Variants in BACH2 observed in about 807,000 individuals in gnomAD.
BACH2 encodes the protein transcription regulator protein BACH2.
A neutral mutation model predicts 61.8 loss-of-function variants in BACH2; 5 were observed. The ratio of observed to expected loss-of-function variants is 0.08; its 90% CI spans 0.04 to 0.17. The LOEUF (loss-of-function observed/expected upper bound fraction) is 0.17. BACH2 is among the 10% of genes least tolerant of loss of function. The pLI is 1.00. For synonymous variants in BACH2, 446 were observed against 440.1 expected, an observed-to-expected ratio of 1.01 and a Z score of -0.17; for missense variants, 824 against 1,091.1, an observed-to-expected ratio of 0.76 and a Z score of 3.45.
At chr6:90,225,604 G>A (rs761574378) in intron 3 of BACH2, among the ~76,000 whole-genome samples, 3 of 152,062 alleles carry the variant, frequency 2.0e-5, no homozygotes, top group Admixed American at 6.5e-5. Flanking sequence ...ACGCATACTG[G>A]AGCCTGTTAG....
chr6:90,135,309 T>A (rs1384571441), intron 4 of BACH2, among the ~76,000 whole-genome samples: 1 of 152,202 alleles, frequency 6.6e-6, no homozygotes, highest in African/African-American at 2.4e-5. Context: ...GCTCACATTT[T>A]GAGAATCTGC....
At chr6:90,157,461 A>T (rs1349964398) in intron 4 of BACH2, among the ~76,000 whole-genome samples, 1 of 152,200 alleles carries the variant, frequency 6.6e-6, no homozygotes, top group Non-Finnish European at 1.5e-5. Flanking sequence ...ACAGTAAGTA[A>T]ATTTATTATT....
rs1294770209 is a variant in BACH2 at position 90,034,522 on chromosome 6, G to T, written c.-12-25666C>A. On this transcript the variant is annotated intron_variant, in intron 5 of 8. Coordinates refer to ENST00000257749, the MANE Select transcript of BACH2 (RefSeq NM_021813.4). ...ATCATAAAACATTAGCACAAAAATA[G>T]GAATAATGAAATTTAATTATACATT... 2.0e-5 allele frequency among the ~76,000 whole-genome samples: 3 copies of T among 151,804 alleles called. No individual in the cohort carries two copies. The East Asian group carries it at 6.0e-4, about 30-fold the overall frequency.
intron 4 of BACH2, among the ~76,000 whole-genome samples, chr6:90,113,739 ATTTT>A (rs200287552): frequency 1.3e-5 from 2 of 150,836 alleles, no homozygotes; most frequent in African/African-American, 2.4e-5. Context: ...TGAATCCAGG[ATTTT>A]TTTTTTAAAT....
At chr6:90,131,621 TGA>T (rs1784083932) in intron 4 of BACH2, among the ~76,000 whole-genome samples, 1 of 152,214 alleles carries the variant, frequency 6.6e-6, no homozygotes, top group African/African-American at 2.4e-5. Context: ...TTTCTACACA[TGA>T]GCTCACCCTT....
chr6:90,066,846 G>C (rs576376072), intron 5 of BACH2, among the ~76,000 whole-genome samples: 1 of 152,340 alleles, frequency 6.6e-6, no homozygotes, highest in Admixed American at 6.5e-5. Context: ...CAGGGCACAA[G>C]GTTTGCAGTG....
chr6:90,007,243 A>G (rs1777458119), intron 6 of BACH2, among the ~76,000 whole-genome samples: 1 of 151,420 alleles, frequency 6.6e-6, no homozygotes, highest in African/African-American at 2.4e-5. Flanking sequence ...CCTGGCTAAT[A>G]TTTTGTATTT....
At chr6:90,137,826 C>A (rs940968036) in intron 4 of BACH2, among the ~76,000 whole-genome samples, 7 of 152,148 alleles carry the variant, frequency 4.6e-5, no homozygotes, top group African/African-American at 1.7e-4. Flanking sequence ...GATGCCCAGA[C>A]TTCTAATAAG....
chr6:90,191,367 C>T (rs540665375), intron 4 of BACH2, among the ~76,000 whole-genome samples: 1 of 152,338 alleles, frequency 6.6e-6, no homozygotes, highest in Admixed American at 6.5e-5. Context: ...TAGAGACTTG[C>T]TTTAATGATT....
At chr6:90,083,642 A>G (rs572859107) in intron 5 of BACH2, among the ~76,000 whole-genome samples, 1 of 152,290 alleles carries the variant, frequency 6.6e-6, no homozygotes, top group African/African-American at 2.4e-5. Flanking sequence ...TAATATCACA[A>G]CTTTTAGAGT....
At chr6:90,013,486 T>G (rs1246450272) in intron 5 of BACH2, among the ~76,000 whole-genome samples, 1 of 146,534 alleles carries the variant, frequency 6.8e-6, no homozygotes, top group Non-Finnish European at 1.5e-5. Context: ...CCCCTCCCCT[T>G]GTTTTCCCTT....
At chr6:90,076,591 A>G (rs1311732262) in intron 5 of BACH2, among the ~76,000 whole-genome samples, 1 of 152,186 alleles carries the variant, frequency 6.6e-6, no homozygotes, top group Non-Finnish European at 1.5e-5. Flanking sequence ...TGGTGCCAAC[A>G]GCCCCCTTTC....
At chr6:89,988,496 G>A (rs941178973) in intron 6 of BACH2, among the ~76,000 whole-genome samples, 1 of 152,188 alleles carries the variant, frequency 6.6e-6, no homozygotes, top group African/African-American at 2.4e-5. Flanking sequence ...AATGGCAGGA[G>A]AAAATAGCTC....
At chr6:90,042,424 T>A (rs1409291742) in intron 5 of BACH2, among the ~76,000 whole-genome samples, 1 of 151,918 alleles carries the variant, frequency 6.6e-6, no homozygotes, top group Non-Finnish European at 1.5e-5. Flanking sequence ...TGGTATTGAC[T>A]GAACTCCTGG....
chr6:90,056,953 G>A (rs9451334), intron 5 of BACH2, among the ~76,000 whole-genome samples: 97 of 151,992 alleles, frequency 6.4e-4, no homozygotes, highest in Non-Finnish European at 1.0e-3. Context: ...TACCAGAATC[G>A]CTGGGACACA....
intron 6 of BACH2, among the ~76,000 whole-genome samples, chr6:89,984,395 C>T (rs1201767043): frequency 1.3e-5 from 2 of 151,928 alleles, no homozygotes; most frequent in Admixed American, 1.3e-4. Context: ...CACTAGTAAG[C>T]TAGAATGTCA....
At chr6:90,005,003 A>G (rs535800236) in intron 6 of BACH2, among the ~76,000 whole-genome samples, 392 of 152,104 alleles carry the variant, frequency 2.6e-3, no homozygotes, top group African/African-American at 9.2e-3. Context: ...AAGATAATTC[A>G]ATTATTCCTT....
intron 6 of BACH2, among the ~76,000 whole-genome samples, chr6:89,967,820 CCTCT>C (rs1308407344): frequency 3.3e-5 from 5 of 152,196 alleles, no homozygotes; most frequent in Admixed American, 6.5e-5. Context: ...TGCCATCTCT[CCTCT>C]CTCCTGCCCC....
At chr6:90,100,028 T>G (rs959864805) in intron 4 of BACH2, among the ~76,000 whole-genome samples, 1 of 152,178 alleles carries the variant, frequency 6.6e-6, no homozygotes. Flanking sequence ...GAATCATCTA[T>G]TATGAGGCCT....
Sources: allele counts gnomAD v4.1 joint callset (sites outside exome capture counted in the v4.1 genomes callset), GRCh38; gene constraint gnomAD v4.1.1; transcripts MANE v1.5; gene names NCBI Gene and HGNC (gene_info 2026-07-23, HGNC 2026-07-21).